Variants in DCC observed in about 807,000 individuals in gnomAD.
DCC encodes DCC netrin 1 receptor.
Under a neutral mutation model 172.5 loss-of-function variants are expected in DCC, and 58 were observed. That is an observed-to-expected ratio of 0.34 (90% CI 0.27 to 0.42). DCC has a LOEUF of 0.42. Ranked by LOEUF, DCC falls within the 10% of genes least tolerant of loss-of-function variation. The pLI, the probability that DCC is intolerant of heterozygous loss-of-function variation, is 1.00. For synonymous variants in DCC, 709 were observed against 644.5 expected, an observed-to-expected ratio of 1.10 and a Z score of -1.52; for missense variants, 1,740 against 1,791.0, an observed-to-expected ratio of 0.97 and a Z score of 0.51.
At chr18:52,859,753 C>G (rs1410353814) in intron 2 of DCC, among the ~76,000 whole-genome samples, 1 of 152,160 alleles carries the variant, frequency 6.6e-6, no homozygotes, top group Non-Finnish European at 1.5e-5. Flanking sequence ...GCCCTCTGAA[C>G]AGCCATCTCA....
At chr18:53,026,178 T>C (rs942199288) in intron 5 of DCC, among the ~76,000 whole-genome samples, 3 of 152,144 alleles carry the variant, frequency 2.0e-5, no homozygotes, top group Non-Finnish European at 4.4e-5. Flanking sequence ...AAGATATTGA[T>C]ATTTAATTAT....
chr18:53,477,822 G>T (rs774052012), intron 25 of DCC, among the ~76,000 whole-genome samples: 1 of 152,158 alleles, frequency 6.6e-6, no homozygotes, highest in Non-Finnish European at 1.5e-5. Context: ...AAAATTAGCT[G>T]AGGCTCATGA....
At chr18:53,315,419 A>G (rs930648623) in intron 13 of DCC, among the ~76,000 whole-genome samples, 8 of 152,216 alleles carry the variant, frequency 5.3e-5, no homozygotes, top group Admixed American at 3.3e-4. Context: ...GCTGCAATAA[A>G]CATACATGTG....
rs543157379 is a variant in DCC at position 52,707,322 on chromosome 18, T to C, written c.92-44732T>C. Among the ~76,000 whole-genome samples, 169 of 152,370 alleles carry C rather than the reference T, an allele frequency of 1.1e-3. 1 individual carries two copies. The highest frequency in any genetic ancestry group is 3.9e-3 in the African/African-American group (161 of 41,586). On this transcript the variant is annotated intron_variant, in intron 1 of 28. Coordinates refer to ENST00000442544, the MANE Select transcript of DCC (RefSeq NM_005215.4). Reference sequence around the variant, plus strand: ...TAAATAAATTTGTAATATCTGGGCTTCTTTTTCATTATACCTTTCTAAGTT... The same window carrying C: ...TAAATAAATTTGTAATATCTGGGCTCCTTTTTCATTATACCTTTCTAAGTT...
intron 12 of DCC, among the ~76,000 whole-genome samples, chr18:53,279,647 TAAA>T (rs34872786): frequency 0.023 from 3,157 of 139,288 alleles, 116 homozygotes; most frequent in African/African-American, 0.08. Context: ...TAAAGTATAA[TAAA>T]AAAAAAAAAA....
chr18:52,483,738 C>A (rs538588907), intron 1 of DCC, among the ~76,000 whole-genome samples: 3 of 152,058 alleles, frequency 2.0e-5, no homozygotes, highest in African/African-American at 7.2e-5. Context: ...CTGGGTTTCT[C>A]AATCTGGAAA....
intron 5 of DCC, among the ~76,000 whole-genome samples, chr18:53,047,840 C>T (rs1296123973): frequency 6.6e-6 from 1 of 151,376 alleles, no homozygotes; most frequent in Non-Finnish European, 1.5e-5. Flanking sequence ...GAACATGGGA[C>T]TAATACATAA....
At position 52,838,167 on chromosome 18, in the gene DCC, A is replaced by G. The variant is rs1206766999; in HGVS notation, c.413-67877A>G. On this transcript the variant is annotated intron_variant, in intron 2 of 28. Transcript: ENST00000442544. The stretch of plus-strand genomic sequence containing the variant: ...CTGTTTATTAAATTGTTCATCTACA[A>G]TTTTGAAGGAGCACTCTCTATTTGT... Among the ~76,000 whole-genome samples, 62 of 132,674 alleles carry G rather than the reference A, an allele frequency of 4.7e-4. 1 individual carries two copies. Among genetic ancestry groups the G allele is most frequent in the Admixed American group, 1.5e-4 (2 of 13,126 alleles). 87.0% of individuals were successfully genotyped at this position (132,674 alleles called of 152,430 possible).
chr18:52,652,599 T>A (rs1050323261), intron 1 of DCC, among the ~76,000 whole-genome samples: 2 of 152,126 alleles, frequency 1.3e-5, no homozygotes, highest in African/African-American at 4.8e-5. Context: ...CATTGGAATG[T>A]TCAGTCTCAG....
intron 1 of DCC, among the ~76,000 whole-genome samples, chr18:52,751,511 C>T (rs1336480301): frequency 6.6e-6 from 1 of 152,180 alleles, no homozygotes; most frequent in Non-Finnish European, 1.5e-5. Context: ...TTGCTTCTGC[C>T]AGTGGGATTT....
intron 12 of DCC, among the ~76,000 whole-genome samples, chr18:53,245,491 G>A (rs892088439): frequency 6.6e-6 from 1 of 152,074 alleles, no homozygotes; most frequent in South Asian, 2.1e-4. Flanking sequence ...ACTTGGAACT[G>A]TTTCTAGCAT....
At chr18:52,853,394 G>A (rs1185460090) in intron 2 of DCC, among the ~76,000 whole-genome samples, 2 of 152,206 alleles carry the variant, frequency 1.3e-5, no homozygotes. Flanking sequence ...TTCATTACAT[G>A]TTTGTTACAA....
At chr18:52,524,058 A>C (rs1355644958) in intron 1 of DCC, among the ~76,000 whole-genome samples, 1 of 152,224 alleles carries the variant, frequency 6.6e-6, no homozygotes, top group African/African-American at 2.4e-5. Context: ...TTGTTACACC[A>C]AGTTTCTCTA....
chr18:52,479,581 C>CCA (rs1491509012), intron 1 of DCC, among the ~76,000 whole-genome samples: 43 of 2,658 alleles, frequency 0.016, no homozygotes, highest in African/African-American at 0.018. Flanking sequence ...CCTCCCTCCA[C>CCA]CCCCCCCCCG....
chr18:52,607,294 C>A (rs1301693349), intron 1 of DCC, among the ~76,000 whole-genome samples: 3 of 152,098 alleles, frequency 2.0e-5, no homozygotes, highest in Non-Finnish European at 4.4e-5. Context: ...GGATTTTTCA[C>A]TTAGCCCCTA....
intron 1 of DCC, among the ~76,000 whole-genome samples, chr18:52,394,111 A>C (rs1437080662): frequency 1.3e-5 from 2 of 152,114 alleles, no homozygotes; most frequent in Non-Finnish European, 2.9e-5. Context: ...CAGCCTGAGA[A>C]GCTCATCTCT....
intron 22 of DCC, among the ~76,000 whole-genome samples, chr18:53,442,178 A>G (rs1354281784): frequency 6.6e-6 from 1 of 152,074 alleles, no homozygotes; most frequent in Non-Finnish European, 1.5e-5. Context: ...CCTTCCTTTT[A>G]TTGTGCTTCA....
At chr18:52,453,012 G>T (rs1442060915) in intron 1 of DCC, among the ~76,000 whole-genome samples, 2 of 152,222 alleles carry the variant, frequency 1.3e-5, no homozygotes, top group Non-Finnish European at 2.9e-5. Flanking sequence ...GCAGCACTGT[G>T]TGTGCATGTG....
chr18:53,505,286 A>ACAT (rs1467697302), intron 27 of DCC: 1 of 152,214 alleles, frequency 6.6e-6, no homozygotes, highest in Non-Finnish European at 1.5e-5. Context: ...CTGACATCTG[A>ACAT]CATCTGTTGC....
Sources: gnomAD v4.1 joint callset for allele counts (sites outside exome capture counted in the v4.1 genomes callset) on GRCh38, gnomAD v4.1.1 for gene constraint, MANE v1.5 for transcripts, NCBI Gene and HGNC (gene_info 2026-07-23, HGNC 2026-07-21) for gene names.